GALNT13: variants seen among roughly 807,000 people sequenced by gnomAD.
GALNT13 encodes polypeptide N-acetylgalactosaminyltransferase 13.
A neutral mutation model predicts 64.2 loss-of-function variants in GALNT13; 28 were observed. That is an observed-to-expected ratio of 0.44 (90% CI 0.32 to 0.60). GALNT13 has a LOEUF of 0.60. GALNT13 is among the 20% of genes least tolerant of loss of function. The probability of loss-of-function intolerance (pLI) is 0.05; values close to 1 mark genes in which losing one functional copy is unlikely to be tolerated. For missense variants in GALNT13, 577 were observed against 669.8 expected (o/e 0.86, Z 1.53); for synonymous variants, 214 against 224.6 (o/e 0.95, Z 0.42).
At chr2:153,720,177 G>A in the GALNT13 span, among the ~76,000 whole-genome samples, 5 of 145,466 alleles carry the variant, frequency 3.4e-5, no homozygotes, top group South Asian at 2.4e-4. Flanking sequence ...AGCCTAACTG[G>A]GAGGCACCCC....
intron 4 of GALNT13, among the ~76,000 whole-genome samples, chr2:154,215,207 A>G (rs1376913831): frequency 6.6e-6 from 1 of 152,108 alleles, no homozygotes; most frequent in Non-Finnish European, 1.5e-5. Flanking sequence ...TGCGCCAATA[A>G]TTTCCCCTTT....
the GALNT13 span, among the ~76,000 whole-genome samples, chr2:153,311,806 T>G: frequency 2.4e-4 from 36 of 152,192 alleles, no homozygotes; most frequent in Non-Finnish European, 4.7e-4. Flanking sequence ...TCTGCCATAC[T>G]CTATTCTTTT....
the GALNT13 span, among the ~76,000 whole-genome samples, chr2:153,816,737 G>T: frequency 6.6e-6 from 1 of 152,122 alleles, no homozygotes; most frequent in Non-Finnish European, 1.5e-5. Context: ...CAAATTTGTG[G>T]CAAGGTCAGA....
At chr2:154,035,236 A>G (rs1698589863) in intron 3 of GALNT13, among the ~76,000 whole-genome samples, 1 of 152,070 alleles carries the variant, frequency 6.6e-6, no homozygotes, top group South Asian at 2.1e-4. Context: ...GTGCGTTTGT[A>G]TGTTTGTGTG....
chr2:153,180,253 C>T, the GALNT13 span, among the ~76,000 whole-genome samples: 1 of 152,020 alleles, frequency 6.6e-6, no homozygotes, highest in Non-Finnish European at 1.5e-5. Context: ...CTGAATTTTT[C>T]TAATAATTTT....
At chr2:153,701,325 A>C in the GALNT13 span, among the ~76,000 whole-genome samples, 1 of 152,218 alleles carries the variant, frequency 6.6e-6, no homozygotes, top group Non-Finnish European at 1.5e-5. Context: ...ACTTCCTTAC[A>C]CTTTATACAA....
the GALNT13 span, among the ~76,000 whole-genome samples, chr2:153,266,609 C>T: frequency 6.6e-5 from 10 of 151,838 alleles, no homozygotes; most frequent in African/African-American, 2.4e-4. Flanking sequence ...GGGAAAAGTG[C>T]CAATTTTAAG....
chr2:153,988,902 A>G (rs1490293269), intron 3 of GALNT13, among the ~76,000 whole-genome samples: 1 of 151,994 alleles, frequency 6.6e-6, no homozygotes, highest in Non-Finnish European at 1.5e-5. Context: ...ATGGTAGTAA[A>G]AATGGAGAAT....
intron 9 of GALNT13, among the ~76,000 whole-genome samples, chr2:154,368,278 C>T (rs1697484116): frequency 6.6e-6 from 1 of 152,096 alleles, no homozygotes; most frequent in South Asian, 2.1e-4. Flanking sequence ...ATGAGCTTCT[C>T]ATGTGAGATT....
the GALNT13 span, among the ~76,000 whole-genome samples, chr2:153,336,587 T>C: frequency 6.6e-6 from 1 of 152,174 alleles, no homozygotes; most frequent in African/African-American, 2.4e-5. Flanking sequence ...TCTGTACTCT[T>C]ATTGTATCTA....
At chr2:154,337,751 A>T (rs1363734785) in intron 9 of GALNT13, among the ~76,000 whole-genome samples, 1 of 152,144 alleles carries the variant, frequency 6.6e-6, no homozygotes, top group Non-Finnish European at 1.5e-5. Flanking sequence ...TAAATTTAAC[A>T]TTCTTTTGGG....
At chr2:153,436,771 A>G in the GALNT13 span, among the ~76,000 whole-genome samples, 1 of 152,150 alleles carries the variant, frequency 6.6e-6, no homozygotes. Flanking sequence ...CTTTTCAAAA[A>G]ACCAGCTCCT....
chr2:154,258,457 G>T (rs1021285883), intron 7 of GALNT13, among the ~76,000 whole-genome samples: 15 of 149,152 alleles, frequency 1.0e-4, no homozygotes, highest in African/African-American at 3.7e-4. Context: ...AATTAGTAAA[G>T]AGAAGAATAA....
the GALNT13 span, among the ~76,000 whole-genome samples, chr2:153,771,036 G>A: frequency 1.1e-4 from 17 of 152,238 alleles, no homozygotes; most frequent in South Asian, 1.5e-3. Context: ...GGTGTCAAGC[G>A]GAAAGAACAC....
At chr2:154,333,209 T>C (rs1256649948) in intron 9 of GALNT13, among the ~76,000 whole-genome samples, 1 of 152,042 alleles carries the variant, frequency 6.6e-6, no homozygotes, top group Non-Finnish European at 1.5e-5. Context: ...GGTTAGAAAA[T>C]AAATACAAGA....
chr2:154,183,832 A>G (rs367552981), intron 4 of GALNT13, among the ~76,000 whole-genome samples: 35 of 151,878 alleles, frequency 2.3e-4, no homozygotes, highest in African/African-American at 8.4e-4. Context: ...TTCTGCTATT[A>G]TCATTACTAT....
the GALNT13 span, among the ~76,000 whole-genome samples, chr2:153,251,228 G>A: frequency 6.6e-6 from 1 of 151,962 alleles, no homozygotes. Context: ...ACAAAATTAT[G>A]GGAATCTCCT....
At chr2:153,520,932 G>C in the GALNT13 span, among the ~76,000 whole-genome samples, 12 of 152,140 alleles carry the variant, frequency 7.9e-5, no homozygotes, top group African/African-American at 2.9e-4. Flanking sequence ...ATTGAATAGA[G>C]ATTTCTTTTA....
At chr2:154,142,171 G>GT (rs1683291864) in intron 4 of GALNT13, among the ~76,000 whole-genome samples, 1 of 152,144 alleles carries the variant, frequency 6.6e-6, no homozygotes, top group Non-Finnish European at 1.5e-5. Context: ...GCCACCTCTA[G>GT]TGGGCTACAT....
Sources: allele counts gnomAD v4.1 joint callset (sites outside exome capture counted in the v4.1 genomes callset), GRCh38; gene constraint gnomAD v4.1.1; transcripts MANE v1.5; gene names NCBI Gene and HGNC (gene_info 2026-07-23, HGNC 2026-07-21).